Variants in RIMS2 observed in about 807,000 individuals in gnomAD.
RIMS2 encodes the protein regulating synaptic membrane exocytosis 2.
A neutral mutation model predicts 174.4 loss-of-function variants in RIMS2; 59 were observed. That is an observed-to-expected ratio of 0.34 (90% CI 0.27 to 0.42). RIMS2 has a LOEUF of 0.42. Ranked by LOEUF, RIMS2 falls within the 10% of genes least tolerant of loss-of-function variation. The pLI is 1.00. For missense variants in RIMS2, 1,620 were observed against 1,666.3 expected, an observed-to-expected ratio of 0.97 and a Z score of 0.48; for synonymous variants, 606 against 572.5, an observed-to-expected ratio of 1.06 and a Z score of -0.84.
chr8:103,905,789 T>TTC (rs2074272580), intron 4 of RIMS2, among the ~76,000 whole-genome samples: 1 of 149,950 alleles, frequency 6.7e-6, no homozygotes, highest in Non-Finnish European at 1.5e-5. Context: ...TTTTTTTTTT[T>TTC]CTGTAGTCTG....
At chr8:104,252,095 A>G (rs530042278), downstream of RIMS2, 2 of 465,476 alleles carry the variant, frequency 4.3e-6, no homozygotes, top group East Asian at 3.5e-5. Flanking sequence ...GATTAATCTC[A>G]AAGAATCAGT....
chr8:103,882,215 A>G (rs1383485831), intron 3 of RIMS2, among the ~76,000 whole-genome samples: 1 of 151,542 alleles, frequency 6.6e-6, no homozygotes. Context: ...GCTTGTTTAT[A>G]AAGGCCAATA....
chr8:103,875,234 C>T (rs1355647553), intron 3 of RIMS2, among the ~76,000 whole-genome samples: 1 of 151,702 alleles, frequency 6.6e-6, no homozygotes, highest in African/African-American at 2.4e-5. Flanking sequence ...GTATATTGTA[C>T]CCAATAGGTG....
chr8:104,050,070 CA>C (rs2096760714), intron 19 of RIMS2, among the ~76,000 whole-genome samples: 1 of 152,016 alleles, frequency 6.6e-6, no homozygotes, highest in Non-Finnish European at 1.5e-5. Context: ...GCCAAATAAC[CA>C]GCAAATTTGG....
intron 19 of RIMS2, among the ~76,000 whole-genome samples, chr8:104,051,293 C>T (rs1175508110): frequency 2.6e-5 from 4 of 151,774 alleles, no homozygotes; most frequent in African/African-American, 7.3e-5. Flanking sequence ...TATATATACA[C>T]TCACACACAC....
At chr8:103,599,497 G>T (rs2094612904) in intron 1 of RIMS2, among the ~76,000 whole-genome samples, 1 of 150,564 alleles carries the variant, frequency 6.6e-6, no homozygotes, top group Admixed American at 6.6e-5. Context: ...GTCATGCAGG[G>T]GTGTGATCTC....
At chr8:103,892,534 T>A (rs948573419) in intron 4 of RIMS2, among the ~76,000 whole-genome samples, 5 of 152,046 alleles carry the variant, frequency 3.3e-5, no homozygotes, top group African/African-American at 1.2e-4. Flanking sequence ...CTTTCACAAG[T>A]AAAAGTTTTT....
intron 2 of RIMS2, among the ~76,000 whole-genome samples, chr8:103,723,875 G>T (rs972710944): frequency 6.6e-6 from 1 of 152,172 alleles, no homozygotes. Context: ...CCTGGTATGG[G>T]CCTACAGCCT....
chr8:103,594,001 G>T (rs1426592259), intron 1 of RIMS2, among the ~76,000 whole-genome samples: 1 of 151,498 alleles, frequency 6.6e-6, no homozygotes, highest in African/African-American at 2.4e-5. Flanking sequence ...ATGTACAGTT[G>T]TTTCTCATTT....
At chr8:103,839,441 T>C (rs954438911) in intron 3 of RIMS2, among the ~76,000 whole-genome samples, 11 of 152,150 alleles carry the variant, frequency 7.2e-5, no homozygotes, top group Non-Finnish European at 1.2e-4. Context: ...ATTTGGAGAG[T>C]ACTCTTTTTT....
At chr8:104,034,050 C>G (rs762716236) in intron 19 of RIMS2, among the ~76,000 whole-genome samples, 2 of 152,070 alleles carry the variant, frequency 1.3e-5, no homozygotes, top group Admixed American at 6.5e-5. Flanking sequence ...GTCAAAGATT[C>G]CTTGTCAAAG....
chr8:103,830,017 T>G (rs1183113246), intron 3 of RIMS2, among the ~76,000 whole-genome samples: 1 of 152,176 alleles, frequency 6.6e-6, no homozygotes, highest in Non-Finnish European at 1.5e-5. Context: ...TTTATTTAAG[T>G]TGACTAATTT....
At chr8:103,736,078 A>G (rs758375193) in intron 2 of RIMS2, among the ~76,000 whole-genome samples, 36 of 152,224 alleles carry the variant, frequency 2.4e-4, no homozygotes, top group Non-Finnish European at 4.3e-4. Flanking sequence ...CCTTTGTGGC[A>G]CCTTGGCTTT....
chr8:103,843,752 A>G (rs2098953555), intron 3 of RIMS2, among the ~76,000 whole-genome samples: 3 of 152,194 alleles, frequency 2.0e-5, no homozygotes, highest in Admixed American at 2.0e-4. Context: ...ACATGATGCT[A>G]TGGCATATCT....
chr8:103,963,456 G>A (rs941839171), intron 15 of RIMS2, among the ~76,000 whole-genome samples: 8 of 152,160 alleles, frequency 5.3e-5, no homozygotes, highest in South Asian at 2.1e-4. Context: ...GAACTGTTTC[G>A]ACTAACTTAT....
At chr8:104,076,525 A>G (rs958148952) in intron 19 of RIMS2, among the ~76,000 whole-genome samples, 5 of 152,162 alleles carry the variant, frequency 3.3e-5, no homozygotes, top group African/African-American at 1.2e-4. Context: ...ATTATTAATA[A>G]CTATAGCAGA....
chr8:103,627,328 T>G (rs2135018925), intron 1 of RIMS2, among the ~76,000 whole-genome samples: 1 of 152,318 alleles, frequency 6.6e-6, no homozygotes, highest in Non-Finnish European at 1.5e-5. Flanking sequence ...TGAAAATCAC[T>G]GTTATTCTGT....
chr8:104,219,604 C>CA (rs1359884172), intron 19 of RIMS2, among the ~76,000 whole-genome samples: 1 of 151,952 alleles, frequency 6.6e-6, no homozygotes, highest in Non-Finnish European at 1.5e-5. Flanking sequence ...ATCTTTTCTT[C>CA]AAAAAGGTGA....
intron 12 of RIMS2, among the ~76,000 whole-genome samples, chr8:103,932,497 T>C (rs910566251): frequency 5.9e-5 from 9 of 152,220 alleles, no homozygotes; most frequent in African/African-American, 2.2e-4. Context: ...TTTTATCTTA[T>C]AAAGTTTGAT....
Sources: allele counts gnomAD v4.1 joint callset (sites outside exome capture counted in the v4.1 genomes callset), GRCh38; gene constraint gnomAD v4.1.1; transcripts MANE v1.5; gene names NCBI Gene and HGNC (gene_info 2026-07-23, HGNC 2026-07-21).